The following CPNE9 variants were observed in gnomAD, a reference collection of about 807,000 sequenced individuals.
The protein encoded by CPNE9 is copine-9.
A neutral mutation model predicts 83.0 loss-of-function variants in CPNE9; 59 were observed. The ratio of observed to expected loss-of-function variants is 0.71; its 90% CI spans 0.58 to 0.88. The LOEUF (loss-of-function observed/expected upper bound fraction) is 0.88, where lower values mean the gene tolerates loss of function less well. CPNE9 is among the 40% of genes least tolerant of loss of function. The probability of loss-of-function intolerance (pLI) is 0.00; values close to 1 mark genes in which losing one functional copy is unlikely to be tolerated. For missense variants in CPNE9, 619 were observed against 720.8 expected (o/e 0.86, Z 1.62); for synonymous variants, 256 against 273.4 (o/e 0.94, Z 0.63).
intron 17 of CPNE9, among the ~76,000 whole-genome samples, chr3:9,720,614 T>C (rs942899559): frequency 4.6e-5 from 7 of 152,248 alleles, no homozygotes; most frequent in African/African-American, 1.7e-4. Context: ...TGTGGATGTA[T>C]ATACAGTTCT....
intron 7 of CPNE9, among the ~76,000 whole-genome samples, chr3:9,707,751 AGCTGGGT>A (rs1328581356): frequency 6.8e-6 from 1 of 146,882 alleles, no homozygotes; most frequent in East Asian, 2.1e-4. Flanking sequence ...TGACACCCCA[AGCTGGGT>A]GACAGAGTGA....
chr3:9,716,051 A>T lies in CPNE9; in HGVS notation c.884+16A>T. 1 of 1,603,472 alleles carries T rather than the reference A, an allele frequency of 6.2e-7. No individual in the cohort carries two copies. The highest frequency in any genetic ancestry group is 8.5e-7 in the Non-Finnish European group (1 of 1,173,994). ...TCAAGGGAGGGTGAGTCACAGGCCA[A>T]GCTCTGGGCTGAAAGCCCGGCAATA... On this transcript the variant is annotated intron_variant, in intron 14 of 20. Coordinates refer to ENST00000383832, the MANE Select transcript of CPNE9 (RefSeq NM_153635.3).
At chr3:9,726,487 C>T (rs951577440) in intron 18 of CPNE9, among the ~76,000 whole-genome samples, 178 bp from the exon 19 acceptor site, 2 of 152,146 alleles carry the variant, frequency 1.3e-5, no homozygotes, top group African/African-American at 4.8e-5. Context: ...CTATATCTTT[C>T]AAGGCTGCTT....
At position 9,715,520 on chromosome 3, in the gene CPNE9, A is replaced by G. The variant is rs2076674505; in HGVS notation, c.816A>G (p.Ser272=). ...KKCKKKKYVN[S]GTVTLLSFSV... Reference sequence around the variant, plus strand: ...GTAAGAAGAAGAAATATGTCAACTCAGGAACTGTGAGTGCTCCCTAGAGCC... The same window carrying G: ...GTAAGAAGAAGAAATATGTCAACTCGGGAACTGTGAGTGCTCCCTAGAGCC... Residue 272 remains serine (S), a synonymous_variant, in exon 13 of 21, where the codon TCA becomes TCG. Coordinates refer to ENST00000383832, the MANE Select transcript of CPNE9 (RefSeq NM_153635.3). 1 of 1,613,588 alleles carries G rather than the reference A, an allele frequency of 6.2e-7. No homozygotes were observed. The highest frequency in any genetic ancestry group is 8.5e-7 in the Non-Finnish European group (1 of 1,179,582).
In CPNE9 at chr3:9,729,551, G is replaced by T. The variant is rs372835737; in HGVS notation, c.1521G>T (p.Val507=). ...RDYVDRSGNQ[V]LSMARLAKDV... ...ATGTTGACCGGTCGGGGAACCAGGT[G>T]TTGAGCATGGCCCGACTGGCCAAGG... Residue 507 remains valine, a synonymous_variant, in exon 21 of 21, where the codon GTG becomes GTT. Transcript: ENST00000383832. The T allele has an allele frequency of 2.5e-6, 4 of 1,614,110 alleles. No homozygotes were observed. Among genetic ancestry groups the T allele is most frequent in the Non-Finnish European group, 3.4e-6 (4 of 1,179,992 alleles).
chr3:9,729,588 G>C lies in CPNE9; in HGVS notation c.1558G>C (p.Glu520Gln), dbSNP rs780878680. 1 of 1,614,110 alleles carries C rather than the reference G, an allele frequency of 6.2e-7. No homozygotes were observed. Among genetic ancestry groups the C allele is most frequent in the Non-Finnish European group, 8.5e-7 (1 of 1,180,028 alleles). Residue 520 changes from glutamate (E) to glutamine (Q), a missense_variant, in exon 21 of 21, where the codon GAG (glutamate) becomes CAG (glutamine). Around this residue, in one of 3 missense-constraint regions of CPNE9, gnomAD observed 438 missense variants for 562.9 expected, o/e 0.78. Transcript: ENST00000383832. ...MARLAKDVLA[E>Q]IPEQLLSYMR... ...CCGACTGGCCAAGGATGTGCTGGCC[G>C]AGATCCCGGAGCAGCTGCTGTCCTA...
intron 17 of CPNE9, among the ~76,000 whole-genome samples, chr3:9,725,566 A>G (rs569486147): frequency 5.5e-4 from 81 of 146,802 alleles, no homozygotes; most frequent in Middle Eastern, 3.6e-3. Context: ...ATGTGTGTGT[A>G]TGGATATATA....
chr3:9,715,292 C>T lies in CPNE9; in HGVS notation c.696C>T (p.His232=), dbSNP rs201103405. The T allele has an allele frequency of 9.5e-4, 1,541 of 1,614,178 alleles. 4 individuals carry two copies. Among genetic ancestry groups the T allele is most frequent in the South Asian group, 3.3e-3 (302 of 91,090 alleles). Residue 232 remains histidine, a synonymous_variant, in exon 12 of 21, where the codon CAC becomes CAT. Transcript: ENST00000383832. Reference sequence around the variant, plus strand: ...AGCCACGCCCACCTCATTGCAGCCACGATTTCATTGGTGAGTTCACCACCA... The same window carrying T: ...AGCCACGCCCACCTCATTGCAGCCATGATTTCATTGGTGAGTTCACCACCA... ...DVYDWDRDGS[H]DFIGEFTTSY...
At chr3:9,705,436 C>CCCCCCCCCCCCCGTT in intron 4 of CPNE9, 28 bp from the exon 5 acceptor site, 1 of 1,465,956 alleles carries the variant, frequency 6.8e-7, no homozygotes, top group African/African-American at 1.4e-5. Flanking sequence ...CCCAGCCCCA[C>CCCCCCCCCCCCCGTT]CCCACACCGG....
Position 9,727,152 on chromosome 3 carries a change from C to T in CPNE9, c.1442C>T (p.Ser481Phe), listed in dbSNP as rs765353222. ...ELDGDDVRVS[S>F]RGRYAERDIV... Reference sequence around the variant, plus strand: ...GACGGTGATGATGTGCGCGTGTCCTCTAGGGGACGCTACGCAGAGCGGGAC... The same window carrying T: ...GACGGTGATGATGTGCGCGTGTCCTTTAGGGGACGCTACGCAGAGCGGGAC... Residue 481 changes from serine (S) to phenylalanine (F), a missense_variant, in exon 20 of 21, where the codon TCT becomes TTT. Transcript: ENST00000383832. 3 of 1,614,152 alleles carry T rather than the reference C, an allele frequency of 1.9e-6. No individual in the cohort carries two copies. Among genetic ancestry groups the T allele is most frequent in the Non-Finnish European group, 8.5e-7 (1 of 1,180,032 alleles).
rs1441964041 is a variant in CPNE9, at chr3:9,704,796, G to A, written c.156+1G>A. On this transcript the variant is annotated splice_donor_variant, in intron 3 of 20. Transcript: ENST00000383832. LOFTEE classifies it high-confidence loss of function. This position sits in a 1 kb window ranked among gnomAD's most constrained non-coding sequence, Gnocchi z 7.1. ...CCGGGCCAGCCAGGAGTGGCGGGAG[G>A]TGAGTCCCAGAGCCCCCTCCCGGCC... 6.2e-7 allele frequency: 1 copy of A among 1,607,318 alleles called. No individual in the cohort carries two copies. The highest frequency in any genetic ancestry group is 1.3e-5 in the African/African-American group (1 of 74,904).
Position 9,703,960 on chromosome 3 carries a change from C to A in CPNE9, c.-37C>A, listed in dbSNP as rs1350327846. On this transcript the variant is annotated 5_prime_UTR_variant, in exon 1 of 21. Transcript: ENST00000383832. ...CGCCCCTAGCCCCAGCAGCCCTGGTCTCGCAGCCTCCTGCGGCTCTGGTCG... is the reference window on the plus strand; with the variant it reads ...CGCCCCTAGCCCCAGCAGCCCTGGTATCGCAGCCTCCTGCGGCTCTGGTCG... 1 of 1,564,686 alleles carries A rather than the reference C, an allele frequency of 6.4e-7. No individual in the cohort carries two copies. Among genetic ancestry groups the A allele is most frequent in the East Asian group, 2.3e-5 (1 of 42,672 alleles).
intron 19 of CPNE9, 138 bp from the exon 20 acceptor site, chr3:9,726,975 C>A: frequency 2.1e-6 from 2 of 935,838 alleles, no homozygotes; most frequent in Non-Finnish European, 3.4e-6. Context: ...AACTCCATAA[C>A]GAAGACTGAT....
intron 17 of CPNE9, among the ~76,000 whole-genome samples, chr3:9,720,140 A>G (rs1259095621): frequency 6.6e-6 from 1 of 152,012 alleles, no homozygotes; most frequent in Non-Finnish European, 1.5e-5. Context: ...CTAAAATCAA[A>G]CATATGTCAA....
Position 9,705,996 on chromosome 3 carries a change from G to C in CPNE9, c.310G>C (p.Gly104Arg), listed in dbSNP as rs751327697. ...TCCTTGTCCTGCATAGGATTTCCTG[G>C]GACAAGCGTTCCTGGCCCTGGGAGA... The part of the protein sequence containing the change: ...TNISKPKDFL[G>R]QAFLALGEVI... The change falls in exon 7 of 21, where the codon GGA becomes CGA. Residue 104 changes from glycine (G) to arginine (R), a missense_variant. Around this residue, in one of 3 missense-constraint regions of CPNE9, gnomAD observed 438 missense variants for 562.9 expected, o/e 0.78. Transcript: ENST00000383832. 1 of 1,613,448 alleles carries C rather than the reference G, an allele frequency of 6.2e-7. No individual in the cohort carries two copies. Among genetic ancestry groups the C allele is most frequent in the Non-Finnish European group, 8.5e-7 (1 of 1,180,008 alleles).
intron 15 of CPNE9, 124 bp from the exon 16 acceptor site, chr3:9,717,902 TAAG>T: frequency 2.8e-6 from 2 of 713,706 alleles, no homozygotes; most frequent in South Asian, 2.3e-5. Flanking sequence ...TTGGGTAAAA[TAAG>T]GAGGGAGGAC....
chr3:9,712,688 A>T (rs144773387), intron 8 of CPNE9, 37 bp from the exon 9 acceptor site: 12 of 1,608,516 alleles, frequency 7.5e-6, no homozygotes, highest in Non-Finnish European at 9.4e-6. Flanking sequence ...GCTATGGACA[A>T]TTGGGGTGCC....
At chr3:9,727,643 G>A (rs1575136252) in intron 20 of CPNE9, among the ~76,000 whole-genome samples, 2 of 152,164 alleles carry the variant, frequency 1.3e-5, no homozygotes, top group Non-Finnish European at 2.9e-5. Context: ...GAACTGGCCC[G>A]ATCCACGAAA....
chr3:9,706,331 T>G (rs2076564793), intron 7 of CPNE9, among the ~76,000 whole-genome samples: 1 of 151,856 alleles, frequency 6.6e-6, no homozygotes, highest in African/African-American at 2.4e-5. Context: ...TAAGTCTGAT[T>G]CAGCCTTTAA....
Sources: allele counts gnomAD v4.1 joint callset (sites outside exome capture counted in the v4.1 genomes callset), GRCh38; gene constraint gnomAD v4.1.1; regional missense constraint gnomAD v4.1.1; non-coding constraint Gnocchi (gnomAD v3.1); transcripts MANE v1.5; gene names NCBI Gene and HGNC (gene_info 2026-07-23, HGNC 2026-07-21).